The following THRB variants were observed in gnomAD, a reference collection of about 807,000 sequenced individuals.
THRB encodes nuclear receptor subfamily 1 group A member 2.
Under a neutral mutation model 47.8 loss-of-function variants are expected in THRB, and 12 were observed. That is an observed-to-expected ratio of 0.25 (90% CI 0.16 to 0.41). The LOEUF (loss-of-function observed/expected upper bound fraction) is 0.41. Ranked by LOEUF, THRB falls within the 10% of genes least tolerant of loss-of-function variation. The probability of loss-of-function intolerance (pLI) is 1.00; values close to 1 mark genes in which losing one functional copy is unlikely to be tolerated. For missense variants in THRB, 348 were observed against 589.2 expected (o/e 0.59, Z 4.24); for synonymous variants, 218 against 212.2 (o/e 1.03, Z -0.24).
rs571611528 is a variant in THRB at position 24,275,536 on chromosome 3, T to C, written c.-43+21690A>G. ...AGGTCAGGGGGAAAAAGCTGACATT[T>C]GAGGCAATGGTTTGGAGAGCCATGT... is the stretch of plus-strand genomic sequence containing the variant. On this transcript the variant is annotated intron_variant, in intron 3 of 10. Transcript: ENST00000646209. Among the ~76,000 whole-genome samples, 7 of 152,334 alleles carry C rather than the reference T, an allele frequency of 4.6e-5. No individual in the cohort carries two copies. The South Asian group carries it at 1.5e-3, about 32-fold the overall frequency.
chr3:24,341,188 G>GTTTCATTTCC (rs2062622589), intron 1 of THRB, among the ~76,000 whole-genome samples: 1 of 130,104 alleles, frequency 7.7e-6, no homozygotes, highest in Non-Finnish European at 1.6e-5. Flanking sequence ...CTTTCCTTTC[G>GTTTCATTTCC]TTTCCTTTCC....
At chr3:24,311,925 G>T (rs560871588) in intron 2 of THRB, among the ~76,000 whole-genome samples, 1 of 152,310 alleles carries the variant, frequency 6.6e-6, no homozygotes, top group Admixed American at 6.5e-5. Context: ...ATAAGGCTTT[G>T]TACGCACAGG....
intron 1 of THRB, among the ~76,000 whole-genome samples, chr3:24,338,793 C>T (rs1397404374): frequency 6.6e-6 from 1 of 152,190 alleles, no homozygotes; most frequent in African/African-American, 2.4e-5. Context: ...AATTGACTTG[C>T]TTATTACTAA....
chr3:24,426,671 C>A (rs1012352292), intron 1 of THRB, among the ~76,000 whole-genome samples: 11 of 151,950 alleles, frequency 7.2e-5, no homozygotes, highest in African/African-American at 2.7e-4. Context: ...GCTGGGTTAA[C>A]TAAATTCTGT....
At chr3:24,175,972 C>T (rs1440881218) in intron 5 of THRB, among the ~76,000 whole-genome samples, 1 of 152,118 alleles carries the variant, frequency 6.6e-6, no homozygotes, top group African/African-American at 2.4e-5. Flanking sequence ...CCACGCTATG[C>T]TTTTCTAAGT....
Position 24,328,827 on chromosome 3 carries a change from C to G in THRB, c.-189+8473G>C, listed in dbSNP as rs556306445. Among the ~76,000 whole-genome samples, 47 of 152,330 alleles carry G rather than the reference C, an allele frequency of 3.1e-4. No individual in the cohort carries two copies. In the South Asian group the frequency reaches 7.5e-3, roughly 24 times the overall value. ...AATATAAAACTGGATCAAACAATTA[C>G]TTTGTTTACAATTTTAAAATGGTTC... On this transcript the variant is annotated intron_variant, in intron 2 of 10. Coordinates refer to ENST00000646209, the MANE Select transcript of THRB (RefSeq NM_001354712.2).
chr3:24,232,212 C>A (rs1025089471), intron 3 of THRB, among the ~76,000 whole-genome samples: 9 of 152,178 alleles, frequency 5.9e-5, no homozygotes, highest in African/African-American at 2.2e-4. Context: ...TAGAGAATAT[C>A]CCTTTGACAT....
intron 5 of THRB, among the ~76,000 whole-genome samples, chr3:24,176,218 T>C (rs2041134669): frequency 6.6e-6 from 1 of 152,172 alleles, no homozygotes; most frequent in South Asian, 2.1e-4. Flanking sequence ...TAGCAACTCA[T>C]TTAATGTATT....
chr3:24,279,237 G>A (rs1282155637), intron 3 of THRB, among the ~76,000 whole-genome samples: 1 of 152,096 alleles, frequency 6.6e-6, no homozygotes, highest in Non-Finnish European at 1.5e-5. Context: ...TAGAAAACTT[G>A]AACATGTTCG....
chr3:24,215,288 C>G lies in THRB; in HGVS notation c.22+13650G>C, dbSNP rs190487018. ...TACTAAATGATTTAATTAATTCACACCACAACTCTAGGATGCTATCTGCCC... is the reference window on the plus strand; with the variant it reads ...TACTAAATGATTTAATTAATTCACAGCACAACTCTAGGATGCTATCTGCCC... On this transcript the variant is annotated intron_variant, in intron 4 of 10. Transcript: ENST00000646209. Among the ~76,000 whole-genome samples, 6 of 152,322 alleles carry G rather than the reference C, an allele frequency of 3.9e-5. No individual in the cohort carries two copies. The East Asian group carries it at 1.2e-3, about 29-fold the overall frequency.
intron 1 of THRB, among the ~76,000 whole-genome samples, chr3:24,373,398 A>G (rs768918731): frequency 7.2e-5 from 11 of 152,136 alleles, no homozygotes; most frequent in Non-Finnish European, 1.2e-4. Flanking sequence ...AGTACCATGT[A>G]GATTTTTCTA....
chr3:24,418,841 A>G (rs1350839041), intron 1 of THRB, among the ~76,000 whole-genome samples: 1 of 151,914 alleles, frequency 6.6e-6, no homozygotes, highest in Non-Finnish European at 1.5e-5. Context: ...TTGGGACTAC[A>G]TTTTTTTCCT....
At chr3:24,278,009 T>C (rs1235583660) in intron 3 of THRB, among the ~76,000 whole-genome samples, 35 of 152,352 alleles carry the variant, frequency 2.3e-4, no homozygotes, top group Non-Finnish European at 5.9e-5. Context: ...TTCCTCCAAA[T>C]AGGCAGAAGT....
intron 1 of THRB, among the ~76,000 whole-genome samples, chr3:24,463,223 C>A (rs375158961): frequency 2.6e-5 from 4 of 152,278 alleles, no homozygotes; most frequent in Non-Finnish European, 2.9e-5. Flanking sequence ...GAACGGGGAA[C>A]GGCTTTTCTC....
intron 2 of THRB, among the ~76,000 whole-genome samples, chr3:24,312,575 G>A (rs776903437): frequency 9.2e-5 from 14 of 152,100 alleles, no homozygotes; most frequent in Admixed American, 4.6e-4. Context: ...ACATAAAACC[G>A]AGCTCTCCTG....
intron 8 of THRB, among the ~76,000 whole-genome samples, chr3:24,137,871 T>C (rs1009276556): frequency 3.3e-5 from 5 of 151,904 alleles, no homozygotes; most frequent in Admixed American, 2.0e-4. Flanking sequence ...GGGATGGCAG[T>C]AGAGATGGAG....
intron 3 of THRB, among the ~76,000 whole-genome samples, chr3:24,243,178 G>A (rs907701127): frequency 1.3e-5 from 2 of 151,364 alleles, no homozygotes; most frequent in Admixed American, 1.3e-4. Flanking sequence ...TGATTCTGAT[G>A]CCCAGCCAAG....
chr3:24,308,409 G>C (rs923755802), intron 2 of THRB, among the ~76,000 whole-genome samples: 1 of 152,168 alleles, frequency 6.6e-6, no homozygotes, highest in Non-Finnish European at 1.5e-5. Flanking sequence ...GCCAAGCCTT[G>C]TTTGAGGTCC....
rs527470657 is a variant in THRB, at chr3:24,206,172, G to C, written c.23-15838C>G. Among the ~76,000 whole-genome samples the C allele has an allele frequency of 6.3e-3, 961 of 152,136 alleles. 9 individuals carry two copies. Among genetic ancestry groups the C allele is most frequent in the African/African-American group, 0.014 (581 of 41,506 alleles). On this transcript the variant is annotated intron_variant, in intron 4 of 10. Transcript: ENST00000646209. ...GGACCTAATAGACATCTACAGAACT[G>C]TCCACCCCAAATCAACAGAATATAC...
Sources: allele counts gnomAD v4.1 joint callset (sites outside exome capture counted in the v4.1 genomes callset), GRCh38; gene constraint gnomAD v4.1.1; transcripts MANE v1.5; gene names NCBI Gene and HGNC (gene_info 2026-07-23, HGNC 2026-07-21).